Variants in SEZ6L observed in about 807,000 individuals in gnomAD.
The protein encoded by SEZ6L is seizure related 6 homolog like, also known as seizure 6-like protein.
A neutral mutation model predicts 106.2 loss-of-function variants in SEZ6L; 37 were observed. The observed-to-expected ratio is 0.35, with a 90% CI of 0.27 to 0.46. The LOEUF (loss-of-function observed/expected upper bound fraction) is 0.46. Ranked by LOEUF, SEZ6L falls within the 20% of genes least tolerant of loss-of-function variation. The probability of loss-of-function intolerance (pLI) is 1.00; values close to 1 mark genes in which losing one functional copy is unlikely to be tolerated. For synonymous variants in SEZ6L, 541 were observed against 570.4 expected (o/e 0.95, Z 0.73); for missense variants, 1,172 against 1,332.8 (o/e 0.88, Z 1.88).
chr22:26,320,379 C>T (rs2082121671), intron 9 of SEZ6L, among the ~76,000 whole-genome samples: 3 of 152,182 alleles, frequency 2.0e-5, no homozygotes, highest in Admixed American at 6.5e-5. Flanking sequence ...GGGGCATCGC[C>T]CTCCCCAAGG....
chr22:26,276,058 T>C (rs2080534225), intron 1 of SEZ6L, among the ~76,000 whole-genome samples: 1 of 152,166 alleles, frequency 6.6e-6, no homozygotes, highest in Non-Finnish European at 1.5e-5. Flanking sequence ...GTGACACCTC[T>C]CTCTCAGAGC....
At chr22:26,369,913 G>T (rs1415971105) in intron 13 of SEZ6L, among the ~76,000 whole-genome samples, 1 of 151,136 alleles carries the variant, frequency 6.6e-6, no homozygotes, top group Non-Finnish European at 1.5e-5. Context: ...CATCATACCC[G>T]ACCTGAATTT....
chr22:26,335,404 C>G (rs2082614855), intron 9 of SEZ6L, among the ~76,000 whole-genome samples: 1 of 152,156 alleles, frequency 6.6e-6, no homozygotes, highest in African/African-American at 2.4e-5. Context: ...AAACTTCATC[C>G]CTCCCTCAAC....
rs148910882 is a variant in SEZ6L, at chr22:26,311,832, G to A, written c.1746G>A (p.Pro582=). 2.4e-5 allele frequency: 38 copies of A among 1,614,094 alleles called. 1 individual carries two copies. The African/African-American group carries it at 2.5e-4, about 11-fold the overall frequency. Residue 582 remains proline (P), a synonymous_variant, in exon 8 of 17, where the codon CCG becomes CCA. Coordinates refer to ENST00000248933, the MANE Select transcript of SEZ6L (RefSeq NM_021115.5). ...ATGGGAACTTCACTACATCCGACCC[G>A]ACCTATAACATTGGGACTATAGTGG... The part of the protein sequence containing the change: ...IQNGNFTTSD[P]TYNIGTIVEF...
intron 9 of SEZ6L, among the ~76,000 whole-genome samples, chr22:26,327,497 T>TACACACACC (rs1417259894): frequency 2.3e-5 from 2 of 86,924 alleles, no homozygotes; most frequent in Non-Finnish European, 4.5e-5. Context: ...CACATGACAC[T>TACACACACC]ACACACACCA....
At chr22:26,222,074 C>T (rs528562811) in intron 1 of SEZ6L, among the ~76,000 whole-genome samples, 4 of 152,254 alleles carry the variant, frequency 2.6e-5, no homozygotes, top group African/African-American at 9.6e-5. Context: ...TCCACATAAT[C>T]GCCTGGGGTG....
chr22:26,341,477 G>C (rs750790777), intron 10 of SEZ6L, among the ~76,000 whole-genome samples: 9 of 152,062 alleles, frequency 5.9e-5, no homozygotes, highest in Non-Finnish European at 1.0e-4. Context: ...CTCTCTTCCA[G>C]CTAGACTCAC....
chr22:26,264,581 G>A (rs1268489342), intron 1 of SEZ6L, among the ~76,000 whole-genome samples: 2 of 152,134 alleles, frequency 1.3e-5, no homozygotes, highest in African/African-American at 2.4e-5. Context: ...ACAGACATTT[G>A]CCAGGGCTGG....
intron 16 of SEZ6L, 87 bp downstream of exon 16, chr22:26,377,862 T>A (rs940711380): frequency 1.9e-6 from 2 of 1,052,288 alleles, no homozygotes; most frequent in South Asian, 2.6e-5. Flanking sequence ...TCATTTCCTA[T>A]TGCTCACAAG....
At chr22:26,369,843 C>G (rs1440772386) in intron 13 of SEZ6L, among the ~76,000 whole-genome samples, 1 of 151,052 alleles carries the variant, frequency 6.6e-6, no homozygotes, top group African/African-American at 2.4e-5. Flanking sequence ...TCTTGAACTC[C>G]TGGGCTCAAG....
At chr22:26,218,363 C>A (rs2078357344) in intron 1 of SEZ6L, among the ~76,000 whole-genome samples, 2 of 152,134 alleles carry the variant, frequency 1.3e-5, no homozygotes, top group South Asian at 2.1e-4. Context: ...AGGTTTTAAG[C>A]CCCACATGCA....
At chr22:26,286,807 G>A (rs1349975249) in intron 1 of SEZ6L, among the ~76,000 whole-genome samples, 2 of 149,550 alleles carry the variant, frequency 1.3e-5, no homozygotes, top group Non-Finnish European at 3.0e-5. Context: ...GTGTGCAGTG[G>A]CACAATCTCG....
At chr22:26,192,187 C>T (rs1290705082) in intron 1 of SEZ6L, among the ~76,000 whole-genome samples, 3 of 152,154 alleles carry the variant, frequency 2.0e-5, no homozygotes, top group Admixed American at 1.3e-4. Flanking sequence ...TCCACTCATC[C>T]ACCTGTTGAT....
intron 11 of SEZ6L, among the ~76,000 whole-genome samples, chr22:26,348,703 AAGGC>A (rs1427578113): frequency 4.8e-5 from 2 of 41,480 alleles, no homozygotes; most frequent in Non-Finnish European, 8.7e-5. Flanking sequence ...AGAAAGAAAG[AAGGC>A]AAGGGAGGGA....
At chr22:26,181,048 C>T (rs956765462) in intron 1 of SEZ6L, among the ~76,000 whole-genome samples, 3 of 152,154 alleles carry the variant, frequency 2.0e-5, no homozygotes, top group Admixed American at 1.3e-4. Flanking sequence ...CCTCAGTTTC[C>T]GTCTGCAAAA....
At chr22:26,324,115 C>G (rs572400532) in intron 9 of SEZ6L, among the ~76,000 whole-genome samples, 1 of 150,716 alleles carries the variant, frequency 6.6e-6, no homozygotes, top group South Asian at 2.1e-4. Context: ...CACACACACA[C>G]ACACAAACGG....
chr22:26,240,234 T>C (rs942401318), intron 1 of SEZ6L, among the ~76,000 whole-genome samples: 4 of 152,056 alleles, frequency 2.6e-5, no homozygotes, highest in Non-Finnish European at 5.9e-5. Flanking sequence ...CTCTCTCCTC[T>C]TGTGTTTGAC....
chr22:26,374,810 C>G (rs1032056338), intron 14 of SEZ6L, among the ~76,000 whole-genome samples: 2 of 152,192 alleles, frequency 1.3e-5, no homozygotes, highest in Admixed American at 6.5e-5. Flanking sequence ...GCCCTCTGCC[C>G]CAGGCGCCTG....
intron 9 of SEZ6L, among the ~76,000 whole-genome samples, chr22:26,333,630 A>G (rs531904534): frequency 1.3e-5 from 2 of 152,270 alleles, no homozygotes; most frequent in Admixed American, 6.5e-5. Context: ...CACACTCAGC[A>G]TGGTGCTGAG....
Sources: allele counts gnomAD v4.1 joint callset (sites outside exome capture counted in the v4.1 genomes callset), GRCh38; gene constraint gnomAD v4.1.1; transcripts MANE v1.5; gene names NCBI Gene and HGNC (gene_info 2026-07-23, HGNC 2026-07-21).